Variants in ARHGAP28 observed in about 807,000 individuals in gnomAD.
ARHGAP28 encodes Rho GTPase activating protein 28, also known as rho GTPase-activating protein 28.
A neutral mutation model predicts 90.7 loss-of-function variants in ARHGAP28; 56 were observed. That is an observed-to-expected ratio of 0.62 (90% CI 0.50 to 0.77). ARHGAP28 has a LOEUF of 0.77. Among genes scored for constraint, ARHGAP28 ranks in the 30% least tolerant of loss-of-function variants. The pLI is 0.00. For missense variants in ARHGAP28, 869 were observed against 900.9 expected, an observed-to-expected ratio of 0.96 and a Z score of 0.45; for synonymous variants, 308 against 323.3, an observed-to-expected ratio of 0.95 and a Z score of 0.51.
At chr18:6,811,242 T>C (rs545111798) in intron 1 of ARHGAP28, among the ~76,000 whole-genome samples, 1 of 152,178 alleles carries the variant, frequency 6.6e-6, no homozygotes, top group Admixed American at 6.6e-5. Flanking sequence ...ACAAACTTAC[T>C]GATGTGTTAA....
At chr18:6,872,094 C>A (rs914297995) in intron 7 of ARHGAP28, among the ~76,000 whole-genome samples, 2 of 152,146 alleles carry the variant, frequency 1.3e-5, no homozygotes, top group South Asian at 2.1e-4. Context: ...AAGAGAGAAG[C>A]CTGCAGGACT....
In ARHGAP28 at chr18:6,769,826, C is replaced by T. The variant is rs61691954; in HGVS notation, c.122+39883C>T. Among the ~76,000 whole-genome samples the T allele has an allele frequency of 2.8e-3, 432 of 152,296 alleles. 18 individuals carry two copies. In the East Asian group the frequency reaches 0.074, roughly 26 times the overall value. ...TGTACTTACACATTTTGTGTCTTCACGGCATTTATCAGGGCCCTTGCCCAC... is the reference window on the plus strand; with the variant it reads ...TGTACTTACACATTTTGTGTCTTCATGGCATTTATCAGGGCCCTTGCCCAC... On this transcript the variant is annotated intron_variant, in intron 1 of 17. Transcript: ENST00000383472.
chr18:6,775,993 A>G (rs1052612132), intron 1 of ARHGAP28, among the ~76,000 whole-genome samples: 2 of 152,166 alleles, frequency 1.3e-5, no homozygotes, highest in African/African-American at 4.8e-5. Flanking sequence ...GTGGGGAAAA[A>G]ACATTGGGAA....
At chr18:6,841,400 A>G (rs2056826394) in intron 3 of ARHGAP28, among the ~76,000 whole-genome samples, 1 of 151,688 alleles carries the variant, frequency 6.6e-6, no homozygotes, top group Admixed American at 6.6e-5. Flanking sequence ...GAGATTTTGC[A>G]TTAATCTTAG....
chr18:6,852,179 C>T (rs1174418152), intron 4 of ARHGAP28, among the ~76,000 whole-genome samples: 31 of 152,154 alleles, frequency 2.0e-4, no homozygotes, highest in Admixed American at 2.0e-3. Context: ...TTGTGTGTTA[C>T]ATATGAATGA....
intron 1 of ARHGAP28, among the ~76,000 whole-genome samples, chr18:6,791,838 G>GA: frequency 6.7e-6 from 1 of 148,650 alleles, no homozygotes; most frequent in Middle Eastern, 3.5e-3. Context: ...TTAATTTGTG[G>GA]GTTTTTTTTG....
intron 1 of ARHGAP28, among the ~76,000 whole-genome samples, chr18:6,757,475 C>CGTATCTGAAGTAGGA (rs1336583273): frequency 6.6e-6 from 1 of 152,130 alleles, no homozygotes; most frequent in Non-Finnish European, 1.5e-5. Context: ...ATTCTAGGAA[C>CGTATCTGAAGTAGGA]ATACCGACGA....
intron 3 of ARHGAP28, among the ~76,000 whole-genome samples, chr18:6,838,085 A>G (rs1412588745): frequency 1.3e-5 from 2 of 152,196 alleles, no homozygotes; most frequent in African/African-American, 4.8e-5. Context: ...TCATTTATTC[A>G]TTGCACAATT....
At chr18:6,736,588 A>C (rs1219886672) in intron 1 of ARHGAP28, among the ~76,000 whole-genome samples, 25 of 151,768 alleles carry the variant, frequency 1.6e-4, no homozygotes, top group Admixed American at 1.6e-3. Context: ...TAAAAAAAAA[A>C]AATACAAAAT....
intron 16 of ARHGAP28, among the ~76,000 whole-genome samples, chr18:6,902,233 A>T (rs907673477): frequency 2.0e-5 from 3 of 152,188 alleles, no homozygotes; most frequent in African/African-American, 7.2e-5. Context: ...AATCTGAATA[A>T]AGTATGGACT....
At chr18:6,794,471 T>A (rs2143578158) in intron 1 of ARHGAP28, among the ~76,000 whole-genome samples, 1 of 152,342 alleles carries the variant, frequency 6.6e-6, no homozygotes, top group Admixed American at 6.5e-5. Context: ...GGGCCTCCCC[T>A]GGCAGGTAAC....
chr18:6,884,249 C>G (rs1028093229), intron 11 of ARHGAP28, among the ~76,000 whole-genome samples: 7 of 152,162 alleles, frequency 4.6e-5, no homozygotes, highest in Non-Finnish European at 1.0e-4. Context: ...TGGCGGGCAC[C>G]TGTAGACCCA....
At chr18:6,904,529 A>C (rs2057354857) in intron 16 of ARHGAP28, among the ~76,000 whole-genome samples, 1 of 152,236 alleles carries the variant, frequency 6.6e-6, no homozygotes, top group South Asian at 2.1e-4. Context: ...CCAAGTTCCT[A>C]CCTCTAAAAA....
At chr18:6,794,475 A>G (rs1021364354) in intron 1 of ARHGAP28, among the ~76,000 whole-genome samples, 3 of 152,208 alleles carry the variant, frequency 2.0e-5, no homozygotes, top group South Asian at 2.1e-4. Context: ...CTCCCCTGGC[A>G]GGTAACAATG....
chr18:6,833,261 A>G (rs773548973), intron 2 of ARHGAP28, among the ~76,000 whole-genome samples: 8 of 152,036 alleles, frequency 5.3e-5, no homozygotes, highest in Admixed American at 2.6e-4. Flanking sequence ...AGAGAAAGCC[A>G]TTCGCTGTAT....
intron 1 of ARHGAP28, among the ~76,000 whole-genome samples, chr18:6,821,303 G>A (rs529848429): frequency 6.6e-5 from 10 of 152,162 alleles, no homozygotes; most frequent in Admixed American, 2.0e-4. Context: ...GATAATTATC[G>A]TACACTTGAA....
intron 1 of ARHGAP28, among the ~76,000 whole-genome samples, chr18:6,784,233 G>A (rs2056349302): frequency 6.6e-6 from 1 of 152,080 alleles, no homozygotes; most frequent in South Asian, 2.1e-4. Flanking sequence ...AGCGGTATTT[G>A]TAACCCCTGG....
At chr18:6,772,752 G>T (rs1325929438) in intron 1 of ARHGAP28, among the ~76,000 whole-genome samples, 11 of 146,650 alleles carry the variant, frequency 7.5e-5, no homozygotes, top group African/African-American at 2.5e-4. Flanking sequence ...ATTTTTTTTT[G>T]AGACGGAGTT....
intron 2 of ARHGAP28, chr18:6,834,478 G>T (rs552258329): frequency 7.9e-5 from 12 of 152,348 alleles, no homozygotes; most frequent in African/African-American, 2.4e-4. Flanking sequence ...GGAATCCAAA[G>T]TAGGCCAGTA....
Sources: allele counts gnomAD v4.1 joint callset (sites outside exome capture counted in the v4.1 genomes callset), GRCh38; gene constraint gnomAD v4.1.1; transcripts MANE v1.5; gene names NCBI Gene and HGNC (gene_info 2026-07-23, HGNC 2026-07-21).